Variants in WDPCP observed in about 807,000 individuals in gnomAD.
WDPCP encodes WD repeat containing planar cell polarity effector.
In WDPCP, 71 loss-of-function variants were observed where a neutral mutation model predicts 93.1. The observed-to-expected ratio is 0.76, with a 90% CI of 0.63 to 0.93. The LOEUF (loss-of-function observed/expected upper bound fraction) is 0.93. WDPCP is among the 40% of genes least tolerant of loss of function. The pLI, the probability that WDPCP is intolerant of heterozygous loss-of-function variation, is 0.00. For synonymous variants in WDPCP, 315 were observed against 315.0 expected, an observed-to-expected ratio of 1.00 and a Z score of 0.00; for missense variants, 844 against 887.4, an observed-to-expected ratio of 0.95 and a Z score of 0.62.
At chr2:63,163,104 A>T (rs921380381) in intron 15 of WDPCP, among the ~76,000 whole-genome samples, 1 of 152,124 alleles carries the variant, frequency 6.6e-6, no homozygotes, top group African/African-American at 2.4e-5. Context: ...AACTTCTCTT[A>T]CTCAATAAGC....
chr2:63,263,723 T>C (rs1681850388), intron 13 of WDPCP, among the ~76,000 whole-genome samples: 1 of 152,204 alleles, frequency 6.6e-6, no homozygotes, highest in African/African-American at 2.4e-5. Flanking sequence ...TTTTATGTCC[T>C]TTACCTGAGT....
Position 63,397,246 on chromosome 2 carries a change from G to A in WDPCP, c.1435+6802C>T, listed in dbSNP as rs538208859. 1.5e-4 allele frequency among the ~76,000 whole-genome samples: 23 copies of A among 152,256 alleles called. No homozygotes were observed. In the South Asian group the frequency reaches 3.9e-3, roughly 26 times the overall value. ...TAGGATTTGGTCACTAATTGGATGTGGCATTAGGAGTGAGGGAGGATTCTA... is the reference window on the plus strand; with the variant it reads ...TAGGATTTGGTCACTAATTGGATGTAGCATTAGGAGTGAGGGAGGATTCTA... On this transcript the variant is annotated intron_variant, in intron 10 of 17. Transcript: ENST00000272321.
intron 10 of WDPCP, among the ~76,000 whole-genome samples, chr2:63,390,299 T>C (rs1221020240): frequency 1.4e-5 from 2 of 144,364 alleles, no homozygotes; most frequent in Non-Finnish European, 1.5e-5. Context: ...AATGACTGAC[T>C]ACTGGGTAAA....
chr2:63,390,671 G>A (rs909380780), intron 10 of WDPCP, among the ~76,000 whole-genome samples: 6 of 152,004 alleles, frequency 3.9e-5, no homozygotes, highest in African/African-American at 1.4e-4. Context: ...TAATAAAGAA[G>A]AGAGAACAAT....
intron 6 of WDPCP, chr2:63,441,823 T>C (rs1196793252): frequency 6.6e-6 from 1 of 152,188 alleles, no homozygotes; most frequent in Non-Finnish European, 1.5e-5. Flanking sequence ...TTCATTTTTT[T>C]AATTCACCAA....
intron 1 of WDPCP, among the ~76,000 whole-genome samples, chr2:63,538,420 T>G (rs1317329479): frequency 6.6e-6 from 1 of 152,112 alleles, no homozygotes; most frequent in African/African-American, 2.4e-5. Flanking sequence ...TCTACTTGAG[T>G]TTAGAGCTTT....
chr2:63,810,060 A>G lies in WDPCP; in HGVS notation n.308+3562T>C, dbSNP rs1670840384. 2.0e-5 allele frequency among the ~76,000 whole-genome samples: 3 copies of G among 152,330 alleles called. No homozygotes were observed. The South Asian group carries it at 6.2e-4, about 32-fold the overall frequency. On this transcript the variant is annotated intron_variant and non_coding_transcript_variant, in intron 2 of 4. Coordinates refer to the WDPCP transcript ENST00000467687. ...TCTACAACATTTGGCTAATCTATTT[A>G]GTGTAGACAAAAAGTAATTCAAAAA...
At chr2:63,382,218 G>T in intron 10 of WDPCP, 124 bp from the exon 11 acceptor site, 2 of 880,396 alleles carry the variant, frequency 2.3e-6, no homozygotes, top group Non-Finnish European at 3.5e-6. Flanking sequence ...ATGTGGGACT[G>T]ATCTCCTTCT....
intron 10 of WDPCP, among the ~76,000 whole-genome samples, chr2:63,382,974 T>C (rs761375523): frequency 6.6e-6 from 1 of 152,148 alleles, no homozygotes; most frequent in Non-Finnish European, 1.5e-5. Context: ...TAGATATTAA[T>C]TCATAGGAAC....
At chr2:63,156,942 T>C (rs1183930334) in intron 15 of WDPCP, among the ~76,000 whole-genome samples, 1 of 152,126 alleles carries the variant, frequency 6.6e-6, no homozygotes, top group East Asian at 1.9e-4. Context: ...GAACATTCAG[T>C]CTTTCTCTAT....
At chr2:63,374,042 C>T (rs536144838) in intron 12 of WDPCP, among the ~76,000 whole-genome samples, 2 of 144,504 alleles carry the variant, frequency 1.4e-5, no homozygotes, top group East Asian at 4.3e-4. Flanking sequence ...TAGGTTTCCA[C>T]AAGTTTATGA....
chr2:63,279,058 C>A (rs1156733794), intron 13 of WDPCP, among the ~76,000 whole-genome samples: 2 of 152,078 alleles, frequency 1.3e-5, no homozygotes, highest in Non-Finnish European at 2.9e-5. Context: ...ATCAGACATT[C>A]AAAGAATTGG....
At chr2:63,834,465 G>A in the WDPCP span, among the ~76,000 whole-genome samples, 1 of 152,082 alleles carries the variant, frequency 6.6e-6, no homozygotes, top group African/African-American at 2.4e-5. Flanking sequence ...CAGCAGTTGT[G>A]AGAGAGGTAA....
intron 1 of WDPCP, among the ~76,000 whole-genome samples, chr2:63,494,424 T>C (rs970240987): frequency 6.6e-6 from 1 of 152,180 alleles, no homozygotes; most frequent in African/African-American, 2.4e-5. Context: ...TTAATCCTCA[T>C]AGCTACTCTT....
intron 1 of WDPCP, among the ~76,000 whole-genome samples, chr2:63,820,671 A>G (rs1271353395): frequency 6.6e-6 from 1 of 152,092 alleles, no homozygotes; most frequent in East Asian, 1.9e-4. Context: ...ATATTTCCGC[A>G]TTTTGGTCTC....
chr2:63,299,801 A>T (rs1027641277), intron 13 of WDPCP, among the ~76,000 whole-genome samples: 2 of 152,176 alleles, frequency 1.3e-5, no homozygotes, highest in Admixed American at 1.3e-4. Context: ...TAGCAAGGAC[A>T]TGGGAGTCCT....
intron 2 of WDPCP, chr2:63,717,746 C>T (rs1669358732): frequency 2.5e-5 from 10 of 401,054 alleles, no homozygotes; most frequent in Middle Eastern, 6.4e-4. Context: ...TCCAGTACTG[C>T]GGTATGATGG....
At chr2:63,671,294 T>C (rs2604615) in intron 2 of WDPCP, among the ~76,000 whole-genome samples, 120,116 of 152,108 alleles carry the variant, frequency 0.79, 47,956 homozygotes, top group East Asian at 0.98. Flanking sequence ...TCCTAGCCAA[T>C]GACAAAGTGC....
intron 3 of WDPCP, among the ~76,000 whole-genome samples, chr2:63,621,711 G>A (rs536751680): frequency 2.6e-5 from 4 of 152,136 alleles, no homozygotes; most frequent in African/African-American, 9.6e-5. Flanking sequence ...GCAACCCCAA[G>A]ACACATAATC....
Sources: gnomAD v4.1 joint callset for allele counts (sites outside exome capture counted in the v4.1 genomes callset) on GRCh38, gnomAD v4.1.1 for gene constraint, MANE v1.5 for transcripts, NCBI Gene and HGNC (gene_info 2026-07-23, HGNC 2026-07-21) for gene names.